Variants in ZDHHC15 observed in about 807,000 individuals in gnomAD.
ZDHHC15 encodes the protein zDHHC palmitoyltransferase 15.
ZDHHC15 carries 19 observed loss-of-function variants against 31.7 expected under a neutral mutation model. The ratio of observed to expected loss-of-function variants is 0.60; its 90% confidence interval spans 0.42 to 0.88. The LOEUF (loss-of-function observed/expected upper bound fraction) is 0.88, where lower values mean the gene tolerates loss of function less well. Among genes scored for constraint, ZDHHC15 ranks in the 40% least tolerant of loss-of-function variants. The probability of loss-of-function intolerance (pLI) is 0.00; values close to 1 mark genes in which losing one functional copy is unlikely to be tolerated. For synonymous variants in ZDHHC15, 103 were observed against 90.0 expected, an observed-to-expected ratio of 1.14 and a Z score of -0.82; for missense variants, 209 against 251.2, an observed-to-expected ratio of 0.83 and a Z score of 1.14.
intron 5 of ZDHHC15, among the ~76,000 whole-genome samples, chrX:75,430,805 C>T (rs959367805): frequency 1.4e-4 from 16 of 111,448 alleles, no homozygotes; most frequent in African/African-American, 5.2e-4. Flanking sequence ...GAGAATGGCA[C>T]CTTACTCTGT....
At chrX:75,436,886 T>TC (rs2083859146) in intron 4 of ZDHHC15, among the ~76,000 whole-genome samples, 1 of 112,698 alleles carries the variant, frequency 8.9e-6, no homozygotes, top group Admixed American at 9.3e-5. Context: ...TGTTTTGTTT[T>TC]GTTTTGTCTT....
rs150032525 is a variant in ZDHHC15, at chrX:75,396,619, T to G, written c.968-17421A>C. Among the ~76,000 whole-genome samples the G allele has an allele frequency of 3.0e-3, 340 of 111,796 alleles. 1 individual carries two copies. The highest frequency in any genetic ancestry group is 0.01 in the African/African-American group (311 of 30,826). The stretch of plus-strand genomic sequence containing the variant: ...AACTAAAAATAGAGCTAACATATGA[T>G]CCAGCAATTCTACTCCTAGTTATAT... On this transcript the variant is annotated intron_variant, in intron 10 of 11. Transcript: ENST00000373367.
At chrX:75,428,517 A>G (rs1569323906) in intron 7 of ZDHHC15, among the ~76,000 whole-genome samples, 2 of 111,341 alleles carry the variant, frequency 1.8e-5, no homozygotes, top group Non-Finnish European at 3.8e-5. Flanking sequence ...ATCCAGTATT[A>G]GATCCCAGTT....
chrX:75,385,201 G>T (rs1240573568), intron 10 of ZDHHC15, among the ~76,000 whole-genome samples: 1 of 111,693 alleles, frequency 9.0e-6, no homozygotes, highest in Non-Finnish European at 1.9e-5. Context: ...CAAAATTTTT[G>T]ATGTGAAAGG....
chrX:75,516,696 A>G (rs1034440210), intron 1 of ZDHHC15, among the ~76,000 whole-genome samples: 42 of 112,565 alleles, frequency 3.7e-4, no homozygotes, highest in Non-Finnish European at 3.9e-4. Context: ...CATGACTAAA[A>G]CACCAAAAGT....
At chrX:75,433,693 GTGTGTATA>G (rs1227536497) in intron 4 of ZDHHC15, among the ~76,000 whole-genome samples, 51 of 4,155 alleles carry the variant, frequency 0.012, no homozygotes, top group South Asian at 0.059. Context: ...GTGTGTGTGT[GTGTGTATA>G]TATATATATA....
At chrX:75,400,997 GA>G (rs2083350026) in intron 10 of ZDHHC15, among the ~76,000 whole-genome samples, 1 of 110,783 alleles carries the variant, frequency 9.0e-6, no homozygotes. Flanking sequence ...ATATAGAAAG[GA>G]AAGACTGCTA....
intron 2 of ZDHHC15, among the ~76,000 whole-genome samples, chrX:75,492,133 G>T (rs776223637): frequency 3.6e-5 from 4 of 111,013 alleles, no homozygotes; most frequent in African/African-American, 9.8e-5. Context: ...AAAGGCAGGG[G>T]TTGCAATCCT....
At chrX:75,418,375 A>G in intron 9 of ZDHHC15, among the ~76,000 whole-genome samples, 1 of 111,935 alleles carries the variant, frequency 8.9e-6, no homozygotes, top group East Asian at 2.8e-4. Flanking sequence ...CTGTCTAAGG[A>G]GGGGACTGAA....
chrX:75,466,521 T>C (rs1379252724), intron 3 of ZDHHC15, among the ~76,000 whole-genome samples: 3 of 111,285 alleles, frequency 2.7e-5, no homozygotes, highest in Non-Finnish European at 3.8e-5. Flanking sequence ...TGCCCAGCCA[T>C]GTGTAACTGT....
At chrX:75,406,804 G>T (rs1315108935) in intron 10 of ZDHHC15, among the ~76,000 whole-genome samples, 2 of 109,902 alleles carry the variant, frequency 1.8e-5, no homozygotes, top group Admixed American at 1.9e-4. Flanking sequence ...CACAAAAATT[G>T]AAGAGGTGGG....
At chrX:75,499,984 A>T (rs2085065292) in intron 2 of ZDHHC15, among the ~76,000 whole-genome samples, 1 of 111,765 alleles carries the variant, frequency 8.9e-6, no homozygotes, top group Non-Finnish European at 1.9e-5. Context: ...ATGGCATTTT[A>T]TCTGGATGGA....
chrX:75,421,411 A>ATT (rs1491488470), intron 9 of ZDHHC15, among the ~76,000 whole-genome samples: 2 of 26,089 alleles, frequency 7.7e-5, no homozygotes, highest in African/African-American at 6.4e-4. Flanking sequence ...ATATATATAT[A>ATT]ATATATATAT....
chrX:75,474,217 G>T (rs2084551251), intron 3 of ZDHHC15, among the ~76,000 whole-genome samples: 2 of 110,134 alleles, frequency 1.8e-5, no homozygotes, highest in African/African-American at 6.6e-5. Flanking sequence ...TCAGCTGCCA[G>T]TGAATATAAA....
chrX:75,397,995 C>T lies in ZDHHC15; in HGVS notation c.968-18797G>A, dbSNP rs192500389. ...GACACTGGAGCCTTAGAAACTTGGGCGTTTCAGCAAAAGTAGCTGCAGCTC... is the reference window on the plus strand; with the variant it reads ...GACACTGGAGCCTTAGAAACTTGGGTGTTTCAGCAAAAGTAGCTGCAGCTC... On this transcript the variant is annotated intron_variant, in intron 10 of 11. Coordinates refer to ENST00000373367, the MANE Select transcript of ZDHHC15 (RefSeq NM_144969.3). Among the ~76,000 whole-genome samples the T allele has an allele frequency of 4.0e-3, 450 of 111,991 alleles. 3 individuals carry two copies. The highest frequency in any genetic ancestry group is 0.014 in the African/African-American group (422 of 30,863).
intron 2 of ZDHHC15, among the ~76,000 whole-genome samples, chrX:75,486,966 C>G (rs1165349559): frequency 9.0e-6 from 1 of 111,272 alleles, no homozygotes; most frequent in East Asian, 2.9e-4. Flanking sequence ...CACCTATCAC[C>G]TGAAAAACGT....
At chrX:75,492,573 C>A (rs971211815) in intron 2 of ZDHHC15, among the ~76,000 whole-genome samples, 1 of 111,756 alleles carries the variant, frequency 8.9e-6, no homozygotes, top group Non-Finnish European at 1.9e-5. Flanking sequence ...GAAATTATAA[C>A]AAACTGTCCC....
intron 3 of ZDHHC15, among the ~76,000 whole-genome samples, chrX:75,474,723 AC>A (rs2084572431): frequency 9.2e-6 from 1 of 109,032 alleles, no homozygotes; most frequent in Non-Finnish European, 1.9e-5. Context: ...TGCACATATA[AC>A]CCTTGAAACT....
At chrX:75,468,233 C>T (rs369332717) in intron 3 of ZDHHC15, among the ~76,000 whole-genome samples, 125 of 109,978 alleles carry the variant, frequency 1.1e-3, no homozygotes, top group Middle Eastern at 4.7e-3. Flanking sequence ...TTAGTAGAAA[C>T]GGGGTTTCTC....
Sources: gnomAD v4.1 joint callset for allele counts (sites outside exome capture counted in the v4.1 genomes callset) on GRCh38, gnomAD v4.1.1 for gene constraint, MANE v1.5 for transcripts, NCBI Gene and HGNC (gene_info 2026-07-23, HGNC 2026-07-21) for gene names.